SLC25A21: variants seen among roughly 807,000 people sequenced by gnomAD.
SLC25A21 encodes the protein mitochondrial 2-oxodicarboxylate carrier.
Under a neutral mutation model 43.8 loss-of-function variants are expected in SLC25A21, and 47 were observed. That is an observed-to-expected ratio of 1.07 (90% confidence interval 0.85 to 1.37). The LOEUF (loss-of-function observed/expected upper bound fraction) is 1.37, where lower values mean the gene tolerates loss of function less well. SLC25A21 is among the 40% of genes most tolerant of loss of function. SLC25A21 has a pLI of 0.00. For synonymous variants in SLC25A21, 131 were observed against 121.3 expected, an observed-to-expected ratio of 1.08 and a Z score of -0.52; for missense variants, 352 against 350.2, an observed-to-expected ratio of 1.00 and a Z score of -0.04.
chr14:36,791,855 G>A (rs943488974), intron 3 of SLC25A21, among the ~76,000 whole-genome samples: 1 of 152,144 alleles, frequency 6.6e-6, no homozygotes, highest in African/African-American at 2.4e-5. Flanking sequence ...TTTGGTGGGA[G>A]TGGGGCACAA....
intron 1 of SLC25A21, among the ~76,000 whole-genome samples, chr14:36,976,843 A>T (rs556004477): frequency 1.3e-5 from 2 of 152,292 alleles, no homozygotes; most frequent in East Asian, 3.9e-4. Context: ...TTGCTTTGAG[A>T]GCCTTGCTTG....
At chr14:36,931,025 T>C (rs1205178271) in intron 1 of SLC25A21, among the ~76,000 whole-genome samples, 2 of 152,130 alleles carry the variant, frequency 1.3e-5, no homozygotes, top group Non-Finnish European at 2.9e-5. Flanking sequence ...CTGGCCCATC[T>C]GACACCTCTC....
chr14:36,706,003 AT>A (rs987960612), intron 7 of SLC25A21, among the ~76,000 whole-genome samples: 3 of 152,182 alleles, frequency 2.0e-5, no homozygotes, highest in Non-Finnish European at 4.4e-5. Flanking sequence ...TTCACAAAGG[AT>A]TGATTTATTA....
At chr14:36,888,802 C>T (rs1442568051) in intron 1 of SLC25A21, among the ~76,000 whole-genome samples, 2 of 152,076 alleles carry the variant, frequency 1.3e-5, no homozygotes, top group Non-Finnish European at 2.9e-5. Flanking sequence ...CTTTTCTTCC[C>T]ATTACTCATG....
Position 36,712,045 on chromosome 14 carries a change from G to A in SLC25A21, c.439-563C>T, listed in dbSNP as rs368272421. Among the ~76,000 whole-genome samples the A allele has an allele frequency of 8.3e-4, 126 of 152,298 alleles. 3 individuals are homozygous for A. The South Asian group carries it at 0.023, about 27-fold the overall frequency. ...TCAAGCAGATATGCAATCAGTGTGC[G>A]TATCACTGCTGTGATAAATTCTACA... On this transcript the variant is annotated intron_variant, in intron 6 of 9. Transcript: ENST00000331299.
intron 2 of SLC25A21, among the ~76,000 whole-genome samples, 154 bp downstream of exon 2, chr14:36,874,802 T>C (rs910921183): frequency 6.6e-6 from 1 of 152,244 alleles, no homozygotes; most frequent in African/African-American, 2.4e-5. Flanking sequence ...GTTCACATTT[T>C]ATCTGTCAAA....
At chr14:36,686,889 A>C (rs533648241) in intron 7 of SLC25A21, among the ~76,000 whole-genome samples, 3 of 152,192 alleles carry the variant, frequency 2.0e-5, no homozygotes, top group Non-Finnish European at 4.4e-5. Context: ...TTGGAAACCA[A>C]AAGGTTAGGT....
Position 36,692,540 on chromosome 14 carries a change from G to A in SLC25A21, c.604-7615C>T, listed in dbSNP as rs189760559. Among the ~76,000 whole-genome samples the A allele has an allele frequency of 4.6e-5, 7 of 152,306 alleles. No individual in the cohort carries two copies. The East Asian group carries it at 7.7e-4, about 17-fold the overall frequency. On this transcript the variant is annotated intron_variant, in intron 7 of 9. Coordinates refer to ENST00000331299, the MANE Select transcript of SLC25A21 (RefSeq NM_030631.4). ...GGCATGGGCTCTGACACCTGGCTTC[G>A]TTAGCTGGCCAGCTGGCTGCTAGCT...
intron 3 of SLC25A21, among the ~76,000 whole-genome samples, chr14:36,750,335 C>A (rs1008656181): frequency 2.0e-5 from 3 of 152,144 alleles, no homozygotes; most frequent in Non-Finnish European, 4.4e-5. Flanking sequence ...GAGTTCTTAT[C>A]CCCCATCAAC....
At chr14:37,164,368 A>C (rs1316155024) in intron 1 of SLC25A21, among the ~76,000 whole-genome samples, 1 of 152,104 alleles carries the variant, frequency 6.6e-6, no homozygotes, top group Non-Finnish European at 1.5e-5. Flanking sequence ...TTTTCTCCCT[A>C]ATTACCCAGA....
chr14:37,138,868 GT>G (rs973618351), intron 1 of SLC25A21, among the ~76,000 whole-genome samples: 3 of 152,044 alleles, frequency 2.0e-5, no homozygotes, highest in African/African-American at 7.2e-5. Flanking sequence ...CTGTGTTGCA[GT>G]TTTTTACTAA....
chr14:36,980,316 T>C (rs1959990113), intron 1 of SLC25A21, among the ~76,000 whole-genome samples: 2 of 152,208 alleles, frequency 1.3e-5, no homozygotes, highest in African/African-American at 2.4e-5. Flanking sequence ...GGGGAAGTTA[T>C]CCCAGATAAT....
At chr14:36,835,026 C>A (rs1889161106) in intron 2 of SLC25A21, among the ~76,000 whole-genome samples, 1 of 152,132 alleles carries the variant, frequency 6.6e-6, no homozygotes, top group African/African-American at 2.4e-5. Flanking sequence ...AAACAAAAAT[C>A]AATTTCCTAG....
chr14:36,892,700 C>A (rs994809529), intron 1 of SLC25A21, among the ~76,000 whole-genome samples: 7 of 151,970 alleles, frequency 4.6e-5, no homozygotes, highest in Non-Finnish European at 1.0e-4. Flanking sequence ...CCTCCCCACT[C>A]CCCCAACCCC....
At chr14:36,967,954 G>A (rs148857922) in intron 1 of SLC25A21, among the ~76,000 whole-genome samples, 11 of 152,298 alleles carry the variant, frequency 7.2e-5, no homozygotes, top group South Asian at 2.1e-4. Flanking sequence ...GAAGGACACC[G>A]TCCTATAAGC....
chr14:36,731,221 C>T (rs542237892), intron 4 of SLC25A21, among the ~76,000 whole-genome samples: 1 of 152,284 alleles, frequency 6.6e-6, no homozygotes, highest in Middle Eastern at 3.4e-3. Context: ...GATCCGACCG[C>T]CTCGGCCTCC....
chr14:37,013,629 A>G (rs943772919), intron 1 of SLC25A21, among the ~76,000 whole-genome samples: 19 of 152,156 alleles, frequency 1.2e-4, no homozygotes, highest in African/African-American at 4.1e-4. Flanking sequence ...CTTTCATATA[A>G]AAGTACAACT....
chr14:36,900,338 T>G (rs913058154), intron 1 of SLC25A21, among the ~76,000 whole-genome samples: 3 of 152,056 alleles, frequency 2.0e-5, no homozygotes, highest in African/African-American at 7.2e-5. Flanking sequence ...TTGGTAGAGT[T>G]TTAGGCACAT....
intron 1 of SLC25A21, among the ~76,000 whole-genome samples, chr14:37,004,871 C>A (rs1960563978): frequency 6.6e-6 from 1 of 152,030 alleles, no homozygotes; most frequent in Admixed American, 6.6e-5. Context: ...TAATTTTCAA[C>A]ACCTATTTTT....
Sources: allele counts gnomAD v4.1 joint callset (sites outside exome capture counted in the v4.1 genomes callset), GRCh38; gene constraint gnomAD v4.1.1; transcripts MANE v1.5; gene names NCBI Gene and HGNC (gene_info 2026-07-23, HGNC 2026-07-21).